The following SLC39A11 variants were observed in gnomAD, a reference collection of about 807,000 sequenced individuals.
SLC39A11 encodes solute carrier family 39 member 11, also known as zinc transporter ZIP11.
In SLC39A11, 33 loss-of-function variants were observed where a neutral mutation model predicts 36.1. The ratio of observed to expected loss-of-function variants is 0.91; its 90% CI spans 0.69 to 1.22. SLC39A11 has a LOEUF of 1.22. Among genes scored for constraint, SLC39A11 ranks in the 50% most tolerant of loss-of-function variants. The pLI is 0.00. For synonymous variants in SLC39A11, 166 were observed against 170.3 expected, an observed-to-expected ratio of 0.97 and a Z score of 0.20; for missense variants, 432 against 430.3, an observed-to-expected ratio of 1.00 and a Z score of -0.03.
chr17:72,849,885 G>T, intron 5 of SLC39A11, 81 bp from the exon 6 acceptor site: 1 of 1,333,776 alleles, frequency 7.5e-7, no homozygotes, highest in Non-Finnish European at 9.9e-7. Context: ...GCAAGCTACA[G>T]CAGGAAGAAG....
At chr17:72,858,182 T>A (rs1023222482) in intron 5 of SLC39A11, among the ~76,000 whole-genome samples, 3 of 152,176 alleles carry the variant, frequency 2.0e-5, no homozygotes, top group Non-Finnish European at 4.4e-5. Context: ...CCAGTTTAAT[T>A]TCTATATATA....
intron 5 of SLC39A11, among the ~76,000 whole-genome samples, chr17:72,863,611 ACCT>A (rs1193021091): frequency 3.3e-5 from 5 of 151,960 alleles, no homozygotes; most frequent in African/African-American, 4.8e-5. Flanking sequence ...GCAAGTTCTG[ACCT>A]CCTCACTGAC....
At chr17:72,878,005 T>C (rs2081006164) in intron 5 of SLC39A11, among the ~76,000 whole-genome samples, 1 of 116,726 alleles carries the variant, frequency 8.6e-6, no homozygotes, top group Non-Finnish European at 1.7e-5. Context: ...GTGCGTGATG[T>C]TCCCCTTCCT....
chr17:72,818,609 G>T (rs2077662713), intron 6 of SLC39A11, among the ~76,000 whole-genome samples: 1 of 152,014 alleles, frequency 6.6e-6, no homozygotes, highest in East Asian at 1.9e-4. Flanking sequence ...TCTTTGGGGG[G>T]CCTCATTTCT....
intron 7 of SLC39A11, among the ~76,000 whole-genome samples, chr17:72,688,061 G>A (rs890607516): frequency 2.6e-5 from 4 of 152,174 alleles, no homozygotes; most frequent in Non-Finnish European, 4.4e-5. Flanking sequence ...CAGCTCTGGA[G>A]GCCACTTGAG....
intron 7 of SLC39A11, among the ~76,000 whole-genome samples, chr17:72,689,635 T>A (rs2071926173): frequency 6.6e-6 from 1 of 152,248 alleles, no homozygotes; most frequent in South Asian, 2.1e-4. Flanking sequence ...TGCTGATCTA[T>A]GCCACAATGC....
chr17:73,027,555 G>A (rs1051479622), intron 4 of SLC39A11, among the ~76,000 whole-genome samples: 3 of 152,190 alleles, frequency 2.0e-5, no homozygotes, highest in East Asian at 1.9e-4. Context: ...AAGCCACAAC[G>A]GCTTCATCCT....
At chr17:72,659,332 T>C (rs1030908960) in intron 7 of SLC39A11, among the ~76,000 whole-genome samples, 1 of 152,224 alleles carries the variant, frequency 6.6e-6, no homozygotes, top group Non-Finnish European at 1.5e-5. Flanking sequence ...AGGAAACCTT[T>C]GTGGAGAAAG....
intron 6 of SLC39A11, among the ~76,000 whole-genome samples, chr17:72,765,073 A>T (rs2075716410): frequency 6.6e-6 from 1 of 152,196 alleles, no homozygotes; most frequent in African/African-American, 2.4e-5. Context: ...CTAGTGAAGG[A>T]TCATCAAATT....
chr17:72,887,538 CT>C (rs1222193990), intron 5 of SLC39A11, among the ~76,000 whole-genome samples: 1 of 152,236 alleles, frequency 6.6e-6, no homozygotes, highest in Admixed American at 6.5e-5. Context: ...GTTCTTATTG[CT>C]TTCAACAGTT....
chr17:73,035,762 G>T (rs2058888114), intron 3 of SLC39A11, among the ~76,000 whole-genome samples: 1 of 150,316 alleles, frequency 6.7e-6, no homozygotes, highest in East Asian at 2.0e-4. Context: ...TACTCAGGAG[G>T]CTGAGACCAG....
intron 5 of SLC39A11, among the ~76,000 whole-genome samples, chr17:72,939,649 A>G (rs1275888047): frequency 6.6e-6 from 1 of 152,180 alleles, no homozygotes; most frequent in African/African-American, 2.4e-5. Flanking sequence ...CAATGTGGGC[A>G]GAGATTGAAT....
At chr17:72,849,893 A>T in intron 5 of SLC39A11, 89 bp from the exon 6 acceptor site, 3 of 1,282,004 alleles carry the variant, frequency 2.3e-6, no homozygotes, top group Non-Finnish European at 3.1e-6. Context: ...CAGCAGGAAG[A>T]AGCTTCTTTT....
At chr17:72,917,810 G>C (rs751765545) in intron 5 of SLC39A11, among the ~76,000 whole-genome samples, 1 of 152,186 alleles carries the variant, frequency 6.6e-6, no homozygotes, top group South Asian at 2.1e-4. Context: ...AAGGAGCTGC[G>C]TTGTTTTCTC....
chr17:73,073,820 C>T (rs999109892), intron 3 of SLC39A11: 4 of 152,100 alleles, frequency 2.6e-5, no homozygotes, highest in African/African-American at 9.7e-5. Context: ...CAGGGTCTTT[C>T]ATTTCTCCCA....
At chr17:72,844,019 C>CA (rs903799805) in intron 6 of SLC39A11, among the ~76,000 whole-genome samples, 10 of 150,158 alleles carry the variant, frequency 6.7e-5, no homozygotes, top group African/African-American at 2.2e-4. Context: ...ATAGCAAAGA[C>CA]AAAAAACTTC....
chr17:72,967,904 A>G (rs1237025086), intron 4 of SLC39A11, among the ~76,000 whole-genome samples: 1 of 152,166 alleles, frequency 6.6e-6, no homozygotes, highest in Admixed American at 6.5e-5. Flanking sequence ...TCCTCTCTGC[A>G]GTCTCAGTTC....
At chr17:72,668,991 T>C (rs1480941136) in intron 7 of SLC39A11, among the ~76,000 whole-genome samples, 2 of 152,068 alleles carry the variant, frequency 1.3e-5, no homozygotes, top group Non-Finnish European at 2.9e-5. Flanking sequence ...GGGAAACACA[T>C]AAAACAATAG....
intron 7 of SLC39A11, among the ~76,000 whole-genome samples, chr17:72,732,632 T>G (rs1199885738): frequency 6.6e-6 from 1 of 152,206 alleles, no homozygotes; most frequent in Admixed American, 6.5e-5. Flanking sequence ...CAGCGGCATG[T>G]TTCCCTCTGT....
Sources: allele counts gnomAD v4.1 joint callset (sites outside exome capture counted in the v4.1 genomes callset), GRCh38; gene constraint gnomAD v4.1.1; transcripts MANE v1.5; gene names NCBI Gene and HGNC (gene_info 2026-07-23, HGNC 2026-07-21).